The following CSMD1 variants were observed in gnomAD, a reference collection of about 807,000 sequenced individuals.
CSMD1 encodes the protein CUB and Sushi multiple domains 1.
CSMD1 carries 213 observed loss-of-function variants against 417.5 expected under a neutral mutation model. That is an observed-to-expected ratio of 0.51 (90% CI 0.46 to 0.57). CSMD1 has a LOEUF of 0.57. CSMD1 is among the 20% of genes least tolerant of loss of function. The pLI, the probability that CSMD1 is intolerant of heterozygous loss-of-function variation, is 0.00. For missense variants in CSMD1, 6,923 were observed against 4,529.7 expected (o/e 1.53, Z -15.17); for synonymous variants, 2,862 against 1,736.8 (o/e 1.65, Z -16.11).
chr8:4,841,924 A>ACAAAAC (rs1563561102), intron 1 of CSMD1, among the ~76,000 whole-genome samples: 5 of 143,346 alleles, frequency 3.5e-5, no homozygotes, highest in African/African-American at 1.3e-4. Flanking sequence ...AAAAAAAAAA[A>ACAAAAC]AAAAAAAAAA....
chr8:3,517,481 A>G (rs993369161), intron 10 of CSMD1, among the ~76,000 whole-genome samples: 10 of 152,188 alleles, frequency 6.6e-5, no homozygotes, highest in African/African-American at 2.4e-4. Flanking sequence ...GCAGGTAAAG[A>G]TAGTTTGATA....
chr8:4,766,726 C>A (rs1812490463), intron 1 of CSMD1, among the ~76,000 whole-genome samples: 1 of 152,178 alleles, frequency 6.6e-6, no homozygotes, highest in African/African-American at 2.4e-5. Context: ...ACAGAACCTC[C>A]ACTAATCCTA....
chr8:3,502,095 C>T (rs967257766), intron 10 of CSMD1, among the ~76,000 whole-genome samples: 19 of 152,078 alleles, frequency 1.2e-4, no homozygotes, highest in African/African-American at 2.4e-5. Context: ...CAGCTAAAAA[C>T]GTATGTCCAC....
chr8:4,908,903 A>G (rs896003452), intron 1 of CSMD1, among the ~76,000 whole-genome samples: 7 of 152,138 alleles, frequency 4.6e-5, no homozygotes, highest in East Asian at 3.9e-4. Flanking sequence ...CAATGTCAAC[A>G]TATCTCTCAA....
intron 5 of CSMD1, among the ~76,000 whole-genome samples, chr8:3,895,907 A>G (rs547853734): frequency 2.0e-5 from 3 of 152,298 alleles, no homozygotes; most frequent in Admixed American, 6.5e-5. Flanking sequence ...CTGTATGCAC[A>G]CTCAGGTGGG....
At chr8:4,445,871 G>A (rs182942415) in intron 2 of CSMD1, among the ~76,000 whole-genome samples, 2 of 152,302 alleles carry the variant, frequency 1.3e-5, no homozygotes, top group Admixed American at 1.3e-4. Flanking sequence ...TCTCCCGCTG[G>A]AGAAGGGCAC....
chr8:3,713,699 A>G (rs1801659734), intron 6 of CSMD1, among the ~76,000 whole-genome samples: 1 of 152,234 alleles, frequency 6.6e-6, no homozygotes, highest in African/African-American at 2.4e-5. Flanking sequence ...AATAAATAAA[A>G]TGCAAAATTC....
chr8:3,067,842 T>G (rs894369006), intron 49 of CSMD1, among the ~76,000 whole-genome samples: 7 of 152,086 alleles, frequency 4.6e-5, no homozygotes, highest in African/African-American at 1.7e-4. Context: ...ATTCTCATAC[T>G]AACAATATGA....
chr8:4,616,940 T>A (rs1276445673), intron 2 of CSMD1, among the ~76,000 whole-genome samples: 1 of 144,798 alleles, frequency 6.9e-6, no homozygotes, highest in East Asian at 2.0e-4. Context: ...CTGATTGTAT[T>A]GTCTTTTATT....
chr8:4,977,096 G>A (rs1236877412), intron 1 of CSMD1, among the ~76,000 whole-genome samples: 2 of 152,244 alleles, frequency 1.3e-5, no homozygotes, highest in South Asian at 2.1e-4. Context: ...TTTCTCTCAA[G>A]ATGGAGCACA....
At chr8:3,514,815 A>G (rs1439554513) in intron 10 of CSMD1, among the ~76,000 whole-genome samples, 1 of 152,174 alleles carries the variant, frequency 6.6e-6, no homozygotes, top group African/African-American at 2.4e-5. Context: ...GTGGGTACCT[A>G]TATTATTAAC....
At chr8:4,952,841 T>C (rs1270258812) in intron 1 of CSMD1, among the ~76,000 whole-genome samples, 2 of 152,172 alleles carry the variant, frequency 1.3e-5, no homozygotes, top group Non-Finnish European at 2.9e-5. Context: ...ACTCTGACTA[T>C]ATGCAGGTAA....
At chr8:3,305,598 G>A (rs1363575441) in intron 25 of CSMD1, among the ~76,000 whole-genome samples, 2 of 151,584 alleles carry the variant, frequency 1.3e-5, no homozygotes, top group Non-Finnish European at 1.5e-5. Context: ...TCACCATGTG[G>A]ACTCATCATC....
intron 1 of CSMD1, among the ~76,000 whole-genome samples, chr8:4,914,939 AAAT>A (rs1303703552): frequency 7.9e-5 from 12 of 152,176 alleles, no homozygotes; most frequent in Non-Finnish European, 1.6e-4. Flanking sequence ...TATCCAAAGA[AAAT>A]GATGATGATG....
In CSMD1 at chr8:4,308,348, G is replaced by C. The variant is rs541293813; in HGVS notation, c.415+111605C>G. On this transcript the variant is annotated intron_variant, in intron 3 of 69. Transcript: ENST00000635120. ...ATCTGGTGTGTATCGTTTGTGGTGC[G>C]TGTGCACTGTGTGTAGTGTGTGTTC... is the stretch of plus-strand genomic sequence containing the variant. Among the ~76,000 whole-genome samples, 9 of 151,998 alleles carry C rather than the reference G, an allele frequency of 5.9e-5. No homozygotes were observed. In the East Asian group the frequency reaches 9.6e-4, roughly 16 times the overall value.
intron 2 of CSMD1, among the ~76,000 whole-genome samples, chr8:4,579,192 G>C (rs145896240): frequency 6.6e-6 from 1 of 151,870 alleles, no homozygotes; most frequent in Non-Finnish European, 1.5e-5. Context: ...AAAAAGTCAG[G>C]TGTGGTTGCT....
chr8:3,316,541 G>A (rs370905898), intron 23 of CSMD1, among the ~76,000 whole-genome samples: 112 of 144,888 alleles, frequency 7.7e-4, no homozygotes, highest in African/African-American at 2.7e-3. Flanking sequence ...TGCGGGAGAG[G>A]GTTTGAGCAG....
intron 1 of CSMD1, among the ~76,000 whole-genome samples, chr8:4,950,977 CA>C (rs1170570692): frequency 9.7e-6 from 1 of 103,196 alleles, no homozygotes; most frequent in Non-Finnish European, 2.0e-5. Flanking sequence ...AAAACAAAAA[CA>C]AAAACAAAAA....
At chr8:4,766,523 T>C (rs74429907) in intron 1 of CSMD1, among the ~76,000 whole-genome samples, 4,673 of 152,356 alleles carry the variant, frequency 0.031, 252 homozygotes, top group African/African-American at 0.11. Context: ...TAAAATTCAC[T>C]GCATTGCATT....
Sources: allele counts gnomAD v4.1 joint callset (sites outside exome capture counted in the v4.1 genomes callset), GRCh38; gene constraint gnomAD v4.1.1; transcripts MANE v1.5; gene names NCBI Gene and HGNC (gene_info 2026-07-23, HGNC 2026-07-21).